The following NFIB variants were observed in gnomAD, a reference collection of about 807,000 sequenced individuals.
The protein encoded by NFIB is nuclear factor 1 B-type.
In NFIB, 11 loss-of-function variants were observed where a neutral mutation model predicts 61.5. The observed-to-expected ratio is 0.18, with a 90% CI of 0.11 to 0.30. NFIB has a LOEUF of 0.30. NFIB is among the 10% of genes least tolerant of loss of function. The pLI, the probability that NFIB is intolerant of heterozygous loss-of-function variation, is 1.00. For missense variants in NFIB, 471 were observed against 608.9 expected, an observed-to-expected ratio of 0.77 and a Z score of 2.38; for synonymous variants, 260 against 216.5, an observed-to-expected ratio of 1.20 and a Z score of -1.76.
intron 1 of NFIB, among the ~76,000 whole-genome samples, chr9:14,378,897 A>T (rs1386476625): frequency 3.9e-5 from 6 of 152,096 alleles, no homozygotes; most frequent in Admixed American, 3.9e-4. Context: ...TTCTGATTTG[A>T]TTTGACCTTG....
chr9:14,165,517 A>G (rs2131309906), intron 3 of NFIB, among the ~76,000 whole-genome samples: 1 of 152,358 alleles, frequency 6.6e-6, no homozygotes, highest in African/African-American at 2.4e-5. Flanking sequence ...GATAGAGGAA[A>G]AAGTCATATG....
chr9:14,510,971 G>A, the NFIB span, among the ~76,000 whole-genome samples: 2 of 152,158 alleles, frequency 1.3e-5, no homozygotes, highest in African/African-American at 4.8e-5. Context: ...TGATGATGCT[G>A]CTTCAGTTCC....
chr9:14,294,245 CAG>C (rs1196547160), intron 2 of NFIB, among the ~76,000 whole-genome samples: 1 of 152,094 alleles, frequency 6.6e-6, no homozygotes, highest in Non-Finnish European at 1.5e-5. Flanking sequence ...GTAAATAGAA[CAG>C]AAATTGTTAC....
the NFIB span, among the ~76,000 whole-genome samples, chr9:14,417,460 A>T: frequency 6.6e-6 from 1 of 152,180 alleles, no homozygotes; most frequent in African/African-American, 2.4e-5. Flanking sequence ...ATTCATCGTG[A>T]CTGTATCAGT....
chr9:14,133,231 C>T (rs1490574371), intron 6 of NFIB, among the ~76,000 whole-genome samples: 1 of 151,800 alleles, frequency 6.6e-6, no homozygotes, highest in Non-Finnish European at 1.5e-5. Flanking sequence ...ATATTGAAAA[C>T]CTCTTCAGAG....
intron 1 of NFIB, among the ~76,000 whole-genome samples, chr9:14,326,538 G>A (rs1445316474): frequency 6.6e-6 from 1 of 152,112 alleles, no homozygotes; most frequent in Non-Finnish European, 1.5e-5. Flanking sequence ...ATCTCAAGTG[G>A]TTTGTGGTGT....
chr9:14,279,057 C>G (rs940797172), intron 2 of NFIB, among the ~76,000 whole-genome samples: 1 of 152,056 alleles, frequency 6.6e-6, no homozygotes, highest in Non-Finnish European at 1.5e-5. Context: ...TATATGCATA[C>G]ACACACAGAG....
chr9:14,286,862 T>C (rs1427919123), intron 2 of NFIB, among the ~76,000 whole-genome samples: 1 of 152,188 alleles, frequency 6.6e-6, no homozygotes, highest in Non-Finnish European at 1.5e-5. Context: ...TCTTTTTAAA[T>C]GTCAGTGTTC....
At chr9:14,476,243 T>C in the NFIB span, among the ~76,000 whole-genome samples, 3 of 152,030 alleles carry the variant, frequency 2.0e-5, no homozygotes, top group East Asian at 5.8e-4. Flanking sequence ...TTCTAAGCTT[T>C]TTGTTTTTTT....
Position 14,087,006 on chromosome 9 carries a change from T to C in NFIB, c.*1303A>G, listed in dbSNP as rs1235118219. 2 of 204,266 alleles carry C rather than the reference T, an allele frequency of 9.8e-6. No homozygotes were observed. Among genetic ancestry groups the C allele is most frequent in the African/African-American group, 4.6e-5 (2 of 43,734 alleles). The allele number at this position is 204,266 out of a possible 1,614,324, so 12.7% of individuals were successfully genotyped here. On this transcript the variant is annotated 3_prime_UTR_variant, in exon 11 of 11. Coordinates refer to ENST00000380953, the MANE Select transcript of NFIB (RefSeq NM_001190737.2). ...AGCACCATGCAAGTTTTCAGCACCC[T>C]GATTACATTTGTTTTCTCAAGAGTG...
At chr9:14,511,368 A>T in the NFIB span, among the ~76,000 whole-genome samples, 3 of 151,658 alleles carry the variant, frequency 2.0e-5, no homozygotes, top group Admixed American at 1.3e-4. Flanking sequence ...TATTATGTAA[A>T]TTTTTCATTT....
At chr9:14,442,479 G>A in the NFIB span, among the ~76,000 whole-genome samples, 1 of 152,164 alleles carries the variant, frequency 6.6e-6, no homozygotes, top group East Asian at 1.9e-4. Context: ...CTACCACTGG[G>A]TGGCTTCAAC....
intron 2 of NFIB, among the ~76,000 whole-genome samples, chr9:14,277,623 C>A (rs2058090855): frequency 6.6e-6 from 1 of 152,210 alleles, no homozygotes; most frequent in South Asian, 2.1e-4. Flanking sequence ...ATCCCTTTGT[C>A]ATCCATTCCT....
intron 2 of NFIB, among the ~76,000 whole-genome samples, chr9:14,227,560 T>C (rs1434795189): frequency 6.6e-6 from 1 of 152,226 alleles, no homozygotes; most frequent in Non-Finnish European, 1.5e-5. Flanking sequence ...ACCTAAGTAA[T>C]ATGAATACTG....
chr9:14,430,684 T>G, the NFIB span, among the ~76,000 whole-genome samples: 1 of 152,174 alleles, frequency 6.6e-6, no homozygotes, highest in Admixed American at 6.6e-5. Context: ...CAGGTTCAAG[T>G]GAGTCTCATG....
chr9:14,299,432 A>G (rs1471361923), intron 2 of NFIB, among the ~76,000 whole-genome samples: 2 of 152,258 alleles, frequency 1.3e-5, no homozygotes, highest in Non-Finnish European at 2.9e-5. Flanking sequence ...CTATTTTGAG[A>G]AATAGACTAT....
chr9:14,155,005 T>C (rs2043241181), intron 4 of NFIB, among the ~76,000 whole-genome samples: 1 of 152,180 alleles, frequency 6.6e-6, no homozygotes, highest in South Asian at 2.1e-4. Flanking sequence ...GACTACATCA[T>C]CTGAATAACA....
At chr9:14,348,401 G>A (rs1235909797) in intron 1 of NFIB, among the ~76,000 whole-genome samples, 1 of 151,730 alleles carries the variant, frequency 6.6e-6, no homozygotes, top group Non-Finnish European at 1.5e-5. Flanking sequence ...ATTTAGGCTC[G>A]CTGAGCGCCG....
intron 2 of NFIB, among the ~76,000 whole-genome samples, chr9:14,285,785 C>G (rs769526335): frequency 1.3e-5 from 2 of 152,186 alleles, no homozygotes; most frequent in Non-Finnish European, 2.9e-5. Flanking sequence ...TGTGGAAAAG[C>G]ACCACAGCTA....
Sources: gnomAD v4.1 joint callset for allele counts (sites outside exome capture counted in the v4.1 genomes callset) on GRCh38, gnomAD v4.1.1 for gene constraint, MANE v1.5 for transcripts, NCBI Gene and HGNC (gene_info 2026-07-23, HGNC 2026-07-21) for gene names.